Variants in TMED7 observed in about 807,000 individuals in gnomAD.
The protein encoded by TMED7 is transmembrane p24 trafficking protein 7.
TMED7 carries 8 observed loss-of-function variants against 23.4 expected under a neutral mutation model. That is an observed-to-expected ratio of 0.34 (90% CI 0.20 to 0.62). TMED7 has a LOEUF of 0.62. Ranked by LOEUF, TMED7 falls within the 20% of genes least tolerant of loss-of-function variation. The probability of loss-of-function intolerance (pLI) is 0.77; values close to 1 mark genes in which losing one functional copy is unlikely to be tolerated. For missense variants in TMED7, 232 were observed against 279.1 expected, an observed-to-expected ratio of 0.83 and a Z score of 1.20; for synonymous variants, 121 against 108.5, an observed-to-expected ratio of 1.12 and a Z score of -0.72.
At chr5:115,617,914 C>T (rs1756848729) in intron 2 of TMED7, among the ~76,000 whole-genome samples, 1 of 152,178 alleles carries the variant, frequency 6.6e-6, no homozygotes, top group African/African-American at 2.4e-5. Flanking sequence ...CTGCCTCAGC[C>T]TCCTGAGTAG....
chr5:115,616,204 C>T lies in TMED7; in HGVS notation c.*5G>A, dbSNP rs1756733629. ...GGCAATGGTGCATCAATTCTCAAAA[C>T]GTAGTTATGATCCAACACGAGTTGT... On this transcript the variant is annotated 3_prime_UTR_variant, in exon 3 of 3. Transcript: ENST00000456936. 4.3e-6 allele frequency: 7 copies of T among 1,613,276 alleles called. No homozygotes were observed. Among genetic ancestry groups the T allele is most frequent in the Non-Finnish European group, 5.9e-6 (7 of 1,179,282 alleles).
At chr5:115,617,170 T>G (rs1051002285) in intron 2 of TMED7, among the ~76,000 whole-genome samples, 1 of 152,202 alleles carries the variant, frequency 6.6e-6, no homozygotes, top group South Asian at 2.1e-4. Context: ...CCATCTGTTT[T>G]GAGAAAGGTT....
chr5:115,625,584 T>C lies in TMED7; in HGVS notation c.192+17A>G. 6.5e-7 allele frequency: 1 copy of C among 1,549,596 alleles called. No homozygotes were observed. Among genetic ancestry groups the C allele is most frequent in the South Asian group, 1.2e-5 (1 of 83,680 alleles). On this transcript the variant is annotated intron_variant, in intron 1 of 2. Coordinates refer to ENST00000456936, the MANE Select transcript of TMED7 (RefSeq NM_181836.6). ...GAGCCGCGAGTTGGGGCCCAGGGAC[T>C]GCTAGGCCCCTGATACCTGGAACTC...
In TMED7 at chr5:115,620,579, G is replaced by A. The variant is rs972770974; in HGVS notation, c.294C>T (p.Phe98=). ...EMKKQYDSFT[F]TASKNGTYKF... ...TGTATGTCCCATTTTTGGAGGCTGTGAAGGTAAAACTATCATACTGTTTCT... is the reference window on the plus strand; with the variant it reads ...TGTATGTCCCATTTTTGGAGGCTGTAAAGGTAAAACTATCATACTGTTTCT... Residue 98 remains phenylalanine (F), a synonymous_variant, in exon 2 of 3, where the codon TTC becomes TTT. Coordinates refer to ENST00000456936, the MANE Select transcript of TMED7 (RefSeq NM_181836.6). 5 of 1,606,572 alleles carry A rather than the reference G, an allele frequency of 3.1e-6. No homozygotes were observed. Among genetic ancestry groups the A allele is most frequent in the Non-Finnish European group, 4.2e-6 (5 of 1,177,316 alleles).
In TMED7 at chr5:115,613,974, T is replaced by G. The variant is rs980355394; in HGVS notation, c.*2235A>C. 11 of 152,572 alleles carry G rather than the reference T, an allele frequency of 7.2e-5. No individual in the cohort carries two copies. The highest frequency in any genetic ancestry group is 2.4e-4 in the African/African-American group (10 of 41,464). 9.5% of individuals were successfully genotyped at this position (152,572 alleles called of 1,614,324 possible). ...TACAACTATGATGTTCAAATATGTA[T>G]TCTGAGCCATTATGTTCAAACATAA... On this transcript the variant is annotated 3_prime_UTR_variant, in exon 3 of 3. Transcript: ENST00000456936.
Position 115,615,889 on chromosome 5 carries a change from T to G in TMED7, c.*320A>C. 1.0e-5 allele frequency: 3 copies of G among 292,938 alleles called. No homozygotes were observed. The highest frequency in any genetic ancestry group is 1.9e-5 in the Non-Finnish European group (3 of 154,818). The allele number at this position is 292,938 out of a possible 1,614,324, so 18.1% of individuals were successfully genotyped here. A position where few individuals can be genotyped will look rare whatever the true frequency, so the allele number is the denominator to read the frequency against. On this transcript the variant is annotated 3_prime_UTR_variant, in exon 3 of 3. Coordinates refer to ENST00000456936, the MANE Select transcript of TMED7 (RefSeq NM_181836.6). ...AAATATCAACTACCTATAAGAAAAG[T>G]AGTCTTAAATGGTTAAAAGGAATCA...
In TMED7 at chr5:115,614,064, A is replaced by G. The variant is rs1193966926; in HGVS notation, c.*2145T>C. 1.3e-5 allele frequency: 2 copies of G among 152,360 alleles called. No homozygotes were observed. Among genetic ancestry groups the G allele is most frequent in the Middle Eastern group, 3.4e-3 (1 of 294 alleles). The allele number at this position is 152,360 out of a possible 1,614,324, so 9.4% of individuals were successfully genotyped here. ...GGATTAAGGAAAAATGATGAGCTAC[A>G]AATTATGTAGTTGGAGGAAGAAAAA... On this transcript the variant is annotated 3_prime_UTR_variant, in exon 3 of 3. Coordinates refer to ENST00000456936, the MANE Select transcript of TMED7 (RefSeq NM_181836.6).
intron 1 of TMED7, 34 bp downstream of exon 1, chr5:115,625,567 A>C (rs757683387): frequency 2.7e-6 from 4 of 1,500,908 alleles, no homozygotes; most frequent in Non-Finnish European, 3.6e-6. Context: ...TGGAGCCGCG[A>C]GTTGGGGCCC....
Position 115,620,421 on chromosome 5 carries a change from A to ATT in TMED7, c.438+12_438+13dup, listed in dbSNP as rs766986488. On this transcript the variant is annotated intron_variant, in intron 2 of 2. Transcript: ENST00000456936. ...TAAATATACCAACATTATATTGCTG[A>ATT]TTTTTTTATTTACCTGGGTAAGAGC... is the stretch of plus-strand genomic sequence containing the variant. 2.0e-4 allele frequency: 292 copies of ATT among 1,477,910 alleles called. 2 individuals are homozygous for ATT. The South Asian group carries it at 3.8e-3, about 19-fold the overall frequency. The allele number at this position is 1,477,910 out of a possible 1,614,324, so 91.5% of individuals were successfully genotyped here. A position where few individuals can be genotyped will look rare whatever the true frequency, so the allele number is the denominator to read the frequency against.
intron 1 of TMED7, among the ~76,000 whole-genome samples, chr5:115,622,804 T>C (rs1325466622): frequency 6.6e-6 from 1 of 152,202 alleles, no homozygotes; most frequent in Non-Finnish European, 1.5e-5. Context: ...AGAACCTCTT[T>C]TATTCACACC....
At chr5:115,624,920 C>T (rs1580459959) in intron 1 of TMED7, among the ~76,000 whole-genome samples, 1 of 152,190 alleles carries the variant, frequency 6.6e-6, no homozygotes, top group Non-Finnish European at 1.5e-5. Context: ...CTATCTGTTT[C>T]GACCACTTCT....
chr5:115,620,663 G>A lies in TMED7; in HGVS notation c.210C>T (p.His70=). 1 of 1,511,318 alleles carries A rather than the reference G, an allele frequency of 6.6e-7. No individual in the cohort carries two copies. The highest frequency in any genetic ancestry group is 8.9e-7 in the Non-Finnish European group (1 of 1,129,662). 93.6% of individuals were successfully genotyped at this position (1,511,318 alleles called of 1,614,324 possible). A position where few individuals can be genotyped will look rare whatever the true frequency, so the allele number is the denominator to read the frequency against. The change falls in exon 2 of 3, where the codon CAC becomes CAT. Residue 70 remains histidine (H), a synonymous_variant. Coordinates refer to ENST00000456936, the MANE Select transcript of TMED7 (RefSeq NM_181836.6). ...CTTCTAATCGACAATCTACATCATA[G>A]TGACCACCAGTAATCACCTGTAAGA... ...TLEFQVITGG[H]YDVDCRLEDP...
intron 2 of TMED7, 115 bp downstream of exon 2, chr5:115,620,320 T>G (rs910433023): frequency 1.8e-5 from 23 of 1,297,808 alleles, no homozygotes; most frequent in South Asian, 5.5e-5. Context: ...TAAGATAGAT[T>G]TTAAAGACTG....
chr5:115,625,760 C>G lies in TMED7; in HGVS notation c.33G>C (p.Ala11=). 1 of 1,526,310 alleles carries G rather than the reference C, an allele frequency of 6.6e-7. No individual in the cohort carries two copies. Among genetic ancestry groups the G allele is most frequent in the Non-Finnish European group, 8.8e-7 (1 of 1,138,704 alleles). The allele number at this position is 1,526,310 out of a possible 1,614,324, so 94.5% of individuals were successfully genotyped here. Residue 11 remains alanine (A), a synonymous_variant, in exon 1 of 3, where the codon GCG becomes GCC. Coordinates refer to ENST00000456936, the MANE Select transcript of TMED7 (RefSeq NM_181836.6). The stretch of plus-strand genomic sequence containing the variant: ...TGCACCCCCAACGGCCCGCGACGGC[C>G]GCCCAGCGCTGCGCGGACCCCGGCC... MPRPGSAQRW[A]AVAGRWGCRL...
intron 1 of TMED7, among the ~76,000 whole-genome samples, chr5:115,622,839 T>C (rs1480333696): frequency 2.0e-5 from 3 of 152,222 alleles, no homozygotes; most frequent in East Asian, 1.9e-4. Flanking sequence ...GTTCCTAAAA[T>C]ACCAGACTAC....
intron 1 of TMED7, among the ~76,000 whole-genome samples, chr5:115,621,976 A>G (rs886098118): frequency 1.4e-4 from 22 of 152,224 alleles, no homozygotes; most frequent in African/African-American, 5.1e-4. Flanking sequence ...TAATCTAATG[A>G]AAATAATTAT....
At chr5:115,624,599 A>G (rs1192085665) in intron 1 of TMED7, among the ~76,000 whole-genome samples, 1 of 152,168 alleles carries the variant, frequency 6.6e-6, no homozygotes, top group Non-Finnish European at 1.5e-5. Context: ...AATCCTTAAC[A>G]TGGTCAGCAA....
intron 1 of TMED7, among the ~76,000 whole-genome samples, chr5:115,622,284 C>G (rs1757057274): frequency 6.6e-6 from 1 of 152,166 alleles, no homozygotes; most frequent in Non-Finnish European, 1.5e-5. Flanking sequence ...CCCTTTAAAC[C>G]TGTCCAATCA....
At position 115,620,564 on chromosome 5, in the gene TMED7, AT is replaced by A. The variant is rs35489028; in HGVS notation, c.308del (p.Asn103MetfsTer56). On this transcript the variant is annotated frameshift_variant, in exon 2 of 3. Coordinates refer to ENST00000456936, the MANE Select transcript of TMED7 (RefSeq NM_181836.6). LOFTEE classifies it high-confidence loss of function. ...YDSFTFTASK[N>X]GTYKFCFSNE... ...TGCTGAAGCAAAATTTGTATGTCCC[AT>A]TTTTGGAGGCTGTGAAGGTAAAACT... is the stretch of plus-strand genomic sequence containing the variant. The A allele has an allele frequency of 6.2e-7, 1 of 1,607,414 alleles. No individual in the cohort carries two copies. Among genetic ancestry groups the A allele is most frequent in the Non-Finnish European group, 8.5e-7 (1 of 1,177,572 alleles).
Sources: gnomAD v4.1 joint callset for allele counts (sites outside exome capture counted in the v4.1 genomes callset) on GRCh38, gnomAD v4.1.1 for gene constraint, MANE v1.5 for transcripts, NCBI Gene and HGNC (gene_info 2026-07-23, HGNC 2026-07-21) for gene names.